Variants in FBXL7 observed in about 807,000 individuals in gnomAD.
FBXL7 encodes the protein F-box and leucine rich repeat protein 7.
Under a neutral mutation model 38.3 loss-of-function variants are expected in FBXL7, and 12 were observed. The ratio of observed to expected loss-of-function variants is 0.31; its 90% CI spans 0.20 to 0.51. The LOEUF (loss-of-function observed/expected upper bound fraction) is 0.51, where lower values mean the gene tolerates loss of function less well. Ranked by LOEUF, FBXL7 falls within the 20% of genes least tolerant of loss-of-function variation. The probability of loss-of-function intolerance (pLI) is 0.98; values close to 1 mark genes in which losing one functional copy is unlikely to be tolerated. For synonymous variants in FBXL7, 297 were observed against 300.9 expected (o/e 0.99, Z 0.13); for missense variants, 567 against 676.4 (o/e 0.84, Z 1.79).
At chr5:15,885,826 A>G (rs1740652839) in intron 2 of FBXL7, among the ~76,000 whole-genome samples, 1 of 152,138 alleles carries the variant, frequency 6.6e-6, no homozygotes, top group Non-Finnish European at 1.5e-5. Flanking sequence ...CTCCTACCTC[A>G]GCCTCCTGAG....
chr5:15,916,402 T>A (rs187061807), intron 2 of FBXL7, among the ~76,000 whole-genome samples: 1 of 152,262 alleles, frequency 6.6e-6, no homozygotes, highest in Non-Finnish European at 1.5e-5. Context: ...AAAATCGAAT[T>A]TGGGGAGTCA....
chr5:15,513,747 C>T (rs563458124), intron 1 of FBXL7, among the ~76,000 whole-genome samples: 25 of 152,114 alleles, frequency 1.6e-4, no homozygotes, highest in African/African-American at 5.5e-4. Context: ...ACAGCTGCTC[C>T]GCTGGTCAAA....
intron 2 of FBXL7, among the ~76,000 whole-genome samples, chr5:15,660,549 G>A (rs1231207968): frequency 6.6e-6 from 1 of 152,040 alleles, no homozygotes. Context: ...GTAGAGACGG[G>A]GTTTCACCGT....
At chr5:15,877,694 T>C (rs1410446896) in intron 2 of FBXL7, among the ~76,000 whole-genome samples, 2 of 152,242 alleles carry the variant, frequency 1.3e-5, no homozygotes, top group Non-Finnish European at 2.9e-5. Context: ...TTTAGTCTAC[T>C]GTTATTTCTG....
At chr5:15,714,093 A>C (rs556644019) in intron 2 of FBXL7, among the ~76,000 whole-genome samples, 9 of 152,180 alleles carry the variant, frequency 5.9e-5, no homozygotes, top group Non-Finnish European at 1.3e-4. Flanking sequence ...GTTTGGGTGG[A>C]CCCAATGTGA....
At chr5:15,929,625 G>GAAAAAAAAAAAAAAAAAAA (rs60269538) in intron 3 of FBXL7, among the ~76,000 whole-genome samples, 1 of 113,520 alleles carries the variant, frequency 8.8e-6, no homozygotes. Context: ...CCCTGTCTCT[G>GAAAAAAAAAAAAAAAAAAA]AAAAAAAAAA....
chr5:15,583,207 G>A (rs1344556887), intron 1 of FBXL7, among the ~76,000 whole-genome samples: 1 of 152,050 alleles, frequency 6.6e-6, no homozygotes, highest in African/African-American at 2.4e-5. Context: ...ACAACATGGG[G>A]GAAACTGCCC....
chr5:15,623,026 A>G (rs570794901), intron 2 of FBXL7, among the ~76,000 whole-genome samples: 4 of 152,186 alleles, frequency 2.6e-5, no homozygotes, highest in Admixed American at 2.6e-4. Context: ...ATGATTACAC[A>G]CCTAATAAAT....
chr5:15,611,114 T>C (rs1740218485), intron 1 of FBXL7, among the ~76,000 whole-genome samples: 1 of 152,186 alleles, frequency 6.6e-6, no homozygotes, highest in Non-Finnish European at 1.5e-5. Context: ...ATTTGCCTAC[T>C]TGCTAAAATT....
intron 2 of FBXL7, among the ~76,000 whole-genome samples, chr5:15,700,464 A>G (rs1743487432): frequency 6.6e-6 from 1 of 152,210 alleles, no homozygotes; most frequent in South Asian, 2.1e-4. Context: ...TTCCAATTGC[A>G]TGTCCTTAAC....
chr5:15,931,186 T>A (rs75585380), intron 3 of FBXL7, among the ~76,000 whole-genome samples: 3,070 of 152,340 alleles, frequency 0.02, 97 homozygotes, highest in African/African-American at 0.07. Context: ...TTAAACATCA[T>A]TGCACTATAT....
intron 1 of FBXL7, among the ~76,000 whole-genome samples, chr5:15,501,079 A>C (rs1221608098): frequency 6.6e-6 from 1 of 152,120 alleles, no homozygotes; most frequent in Non-Finnish European, 1.5e-5. Flanking sequence ...AACTCAGTGA[A>C]AACTTTCCCG....
At chr5:15,747,487 A>G (rs1397624509) in intron 2 of FBXL7, among the ~76,000 whole-genome samples, 1 of 152,184 alleles carries the variant, frequency 6.6e-6, no homozygotes, top group Non-Finnish European at 1.5e-5. Flanking sequence ...TAGGGGGTCA[A>G]CCTGGCCATT....
intron 2 of FBXL7, among the ~76,000 whole-genome samples, chr5:15,852,410 T>C (rs1244240420): frequency 1.3e-5 from 2 of 152,164 alleles, no homozygotes; most frequent in African/African-American, 4.8e-5. Context: ...GTCAGCAAAT[T>C]ACTTTTCCAT....
chr5:15,846,946 C>G (rs1738924216), intron 2 of FBXL7, among the ~76,000 whole-genome samples: 2 of 151,990 alleles, frequency 1.3e-5, no homozygotes, highest in Admixed American at 1.3e-4. Flanking sequence ...AAAAAATGTT[C>G]TACCAGATTG....
intron 1 of FBXL7, among the ~76,000 whole-genome samples, chr5:15,515,351 G>A (rs1736906309): frequency 6.6e-6 from 1 of 152,226 alleles, no homozygotes; most frequent in Non-Finnish European, 1.5e-5. Context: ...CAAAAAACAA[G>A]CTTACAGTTC....
At chr5:15,671,977 A>G (rs1395612807) in intron 2 of FBXL7, among the ~76,000 whole-genome samples, 1 of 152,236 alleles carries the variant, frequency 6.6e-6, no homozygotes, top group African/African-American at 2.4e-5. Flanking sequence ...AAATGTTTAT[A>G]GTAGGTCTGA....
intron 2 of FBXL7, among the ~76,000 whole-genome samples, chr5:15,823,868 A>G (rs986520992): frequency 6.6e-6 from 1 of 152,136 alleles, no homozygotes; most frequent in Non-Finnish European, 1.5e-5. Context: ...GCACACTTTG[A>G]CCTGGCATTG....
chr5:15,661,471 TC>T (rs1464881872), intron 2 of FBXL7, among the ~76,000 whole-genome samples: 1 of 152,202 alleles, frequency 6.6e-6, no homozygotes, highest in Non-Finnish European at 1.5e-5. Flanking sequence ...CTTTCCTTGT[TC>T]CCAATTTCAG....
Sources: allele counts gnomAD v4.1 joint callset (sites outside exome capture counted in the v4.1 genomes callset), GRCh38; gene constraint gnomAD v4.1.1; transcripts MANE v1.5; gene names NCBI Gene and HGNC (gene_info 2026-07-23, HGNC 2026-07-21).